Variants in NCK1 observed in about 807,000 individuals in gnomAD.
The protein encoded by NCK1 is NCK adaptor protein 1.
Under a neutral mutation model 36.6 loss-of-function variants are expected in NCK1, and 19 were observed. The observed-to-expected ratio is 0.52, with a 90% CI of 0.36 to 0.76. The LOEUF (loss-of-function observed/expected upper bound fraction) is 0.76. Among genes scored for constraint, NCK1 ranks in the 30% least tolerant of loss-of-function variants. The pLI is 0.00. For missense variants in NCK1, 358 were observed against 445.6 expected, an observed-to-expected ratio of 0.80 and a Z score of 1.77; for synonymous variants, 165 against 156.0, an observed-to-expected ratio of 1.06 and a Z score of -0.43.
chr3:136,927,849 T>C (rs1940284395), intron 1 of NCK1, 135 bp from the exon 2 acceptor site: 1 of 675,734 alleles, frequency 1.5e-6, no homozygotes, highest in South Asian at 2.0e-5. Flanking sequence ...AATTACTATT[T>C]GCCTCATGTA....
At chr3:136,917,424 A>G (rs1194598929) in intron 1 of NCK1, among the ~76,000 whole-genome samples, 3 of 152,144 alleles carry the variant, frequency 2.0e-5, no homozygotes, top group East Asian at 1.9e-4. Context: ...CTCAGAGACT[A>G]TATTTTACTT....
At chr3:136,865,167 A>T (rs1483195928) in intron 1 of NCK1, among the ~76,000 whole-genome samples, 1 of 152,042 alleles carries the variant, frequency 6.6e-6, no homozygotes. Flanking sequence ...CATCTTGGCC[A>T]GGCTGGTCTT....
At chr3:136,915,986 A>G (rs1358300605) in intron 1 of NCK1, among the ~76,000 whole-genome samples, 2 of 152,110 alleles carry the variant, frequency 1.3e-5, no homozygotes, top group Non-Finnish European at 1.5e-5. Context: ...TCGGCCTCCT[A>G]AAGTGCTGGG....
intron 1 of NCK1, among the ~76,000 whole-genome samples, chr3:136,893,885 G>T (rs1939322178): frequency 6.6e-6 from 1 of 152,148 alleles, no homozygotes; most frequent in South Asian, 2.1e-4. Context: ...TTTCCTTTAT[G>T]CTGGGCCAGC....
chr3:136,889,880 G>C (rs1389452126), intron 1 of NCK1, among the ~76,000 whole-genome samples: 1 of 152,012 alleles, frequency 6.6e-6, no homozygotes, highest in Non-Finnish European at 1.5e-5. Flanking sequence ...TACAATCCCT[G>C]AGCTAGACAT....
chr3:136,865,814 TGAA>T (rs775444089), intron 1 of NCK1, among the ~76,000 whole-genome samples: 3 of 152,238 alleles, frequency 2.0e-5, no homozygotes, highest in Non-Finnish European at 4.4e-5. Context: ...TAAACTCTAA[TGAA>T]GATAGAATTT....
intron 1 of NCK1, among the ~76,000 whole-genome samples, chr3:136,907,783 T>C (rs1023057585): frequency 1.3e-5 from 2 of 152,222 alleles, no homozygotes; most frequent in Non-Finnish European, 2.9e-5. Flanking sequence ...TTTTGATGAA[T>C]TGATAATTGA....
chr3:136,890,938 T>C (rs1187351399), intron 1 of NCK1, among the ~76,000 whole-genome samples: 1 of 152,238 alleles, frequency 6.6e-6, no homozygotes, highest in Non-Finnish European at 1.5e-5. Flanking sequence ...TCTATCTCTA[T>C]GAATTTGACA....
chr3:136,880,099 A>G (rs1363710376), intron 1 of NCK1, among the ~76,000 whole-genome samples: 1 of 151,710 alleles, frequency 6.6e-6, no homozygotes, highest in Non-Finnish European at 1.5e-5. Flanking sequence ...CCTGGCTAAC[A>G]CGGTGAAACC....
rs558611471 is a variant in NCK1 at position 136,873,125 on chromosome 3, C to A, written c.-19+10772C>A. Among the ~76,000 whole-genome samples, 10 of 152,228 alleles carry A rather than the reference C, an allele frequency of 6.6e-5. No homozygotes were observed. The South Asian group carries it at 2.1e-3, about 32-fold the overall frequency. On this transcript the variant is annotated intron_variant, in intron 1 of 3. Transcript: ENST00000481752. ...AGATCCACTGACAGCTTGCACCATG[C>A]GCCTGGAAAAGCTGCAGACACTCAA...
chr3:136,867,193 CTTTCTTTTCCCTT>C lies in NCK1; in HGVS notation c.-19+4841_-19+4853del, dbSNP rs1357373638. On this transcript the variant is annotated intron_variant, in intron 1 of 3. Coordinates refer to ENST00000481752, the MANE Select transcript of NCK1 (RefSeq NM_001291999.2). Reference sequence around the variant, plus strand: ...CCTTCCTTCCTTCTTTCTTTCTTTTCTTTCTTTTCCCTTCCTTCCTTCCTTCCTTCCGTCCATC... The same window carrying C: ...CCTTCCTTCCTTCTTTCTTTCTTTTCCCTTCCTTCCTTCCTTCCGTCCATC... 1.3e-4 allele frequency among the ~76,000 whole-genome samples: 15 copies of C among 115,678 alleles called. 3 individuals are homozygous for C. Among genetic ancestry groups the C allele is most frequent in the Non-Finnish European group, 1.6e-4 (9 of 56,236 alleles). 75.9% of individuals were successfully genotyped at this position (115,678 alleles called of 152,430 possible). A position where few individuals can be genotyped will look rare whatever the true frequency, so the allele number is the denominator to read the frequency against.
At chr3:136,891,169 T>C (rs979066286) in intron 1 of NCK1, among the ~76,000 whole-genome samples, 2 of 152,254 alleles carry the variant, frequency 1.3e-5, no homozygotes, top group Non-Finnish European at 2.9e-5. Context: ...GTTTTGCTCT[T>C]GTTGCCCAGG....
At chr3:136,879,066 G>A (rs1938856658) in intron 1 of NCK1, among the ~76,000 whole-genome samples, 1 of 151,492 alleles carries the variant, frequency 6.6e-6, no homozygotes, top group Non-Finnish European at 1.5e-5. Context: ...GACATGTGAA[G>A]AAAGCTTCTC....
At chr3:136,880,765 T>C (rs978466003) in intron 1 of NCK1, among the ~76,000 whole-genome samples, 1 of 152,126 alleles carries the variant, frequency 6.6e-6, no homozygotes, top group African/African-American at 2.4e-5. Context: ...TGTGCCACCA[T>C]ACTAGCTAAT....
Position 136,931,022 on chromosome 3 carries a change from G to A in NCK1, c.226+2795G>A, listed in dbSNP as rs183175445. ...ACTTTTTGCTTACTTTTTTTTTAGC[G>A]GAACAGTGTAAAGATAATCTTTAAT... is the stretch of plus-strand genomic sequence containing the variant. On this transcript the variant is annotated intron_variant, in intron 2 of 3. Transcript: ENST00000481752. 4.0e-3 allele frequency among the ~76,000 whole-genome samples: 608 copies of A among 150,458 alleles called. 3 individuals are homozygous for A. Among genetic ancestry groups the A allele is most frequent in the African/African-American group, 0.014 (572 of 40,982 alleles).
chr3:136,923,981 C>T (rs6783999), intron 1 of NCK1, among the ~76,000 whole-genome samples: 103,711 of 152,018 alleles, frequency 0.68, 35,668 homozygotes, highest in East Asian at 0.87. Context: ...GCAAAATTTT[C>T]CTTTGAGAAT....
chr3:136,886,864 A>G (rs1939087612), intron 1 of NCK1, among the ~76,000 whole-genome samples: 1 of 137,192 alleles, frequency 7.3e-6, no homozygotes, highest in Non-Finnish European at 1.5e-5. Flanking sequence ...TTTTTCTGAG[A>G]CGGAGTTTTG....
At chr3:136,872,624 C>T (rs540705315) in intron 1 of NCK1, among the ~76,000 whole-genome samples, 5 of 152,274 alleles carry the variant, frequency 3.3e-5, no homozygotes, top group South Asian at 2.1e-4. Flanking sequence ...CAGGGCGTGT[C>T]GGAGGTCTTC....
At chr3:136,894,864 TTTTTG>T (rs1259906512) in intron 1 of NCK1, among the ~76,000 whole-genome samples, 2 of 82,242 alleles carry the variant, frequency 2.4e-5, no homozygotes, top group African/African-American at 7.8e-5. Context: ...TAAGCTGATT[TTTTTG>T]TTTTGTTTTG....
Sources: gnomAD v4.1 joint callset for allele counts (sites outside exome capture counted in the v4.1 genomes callset) on GRCh38, gnomAD v4.1.1 for gene constraint, MANE v1.5 for transcripts, NCBI Gene and HGNC (gene_info 2026-07-23, HGNC 2026-07-21) for gene names.